ALPK1: variants seen among roughly 807,000 people sequenced by gnomAD.
ALPK1 encodes the protein alpha kinase 1.
ALPK1 carries 110 observed loss-of-function variants against 120.6 expected under a neutral mutation model. That is an observed-to-expected ratio of 0.91 (90% CI 0.78 to 1.07). ALPK1 has a LOEUF of 1.07. ALPK1 is among the 50% of genes least tolerant of loss of function. ALPK1 has a pLI of 0.00. For missense variants in ALPK1, 1,498 were observed against 1,483.9 expected (o/e 1.01, Z -0.16); for synonymous variants, 582 against 560.3 (o/e 1.04, Z -0.55).
intron 2 of ALPK1, among the ~76,000 whole-genome samples, chr4:112,345,344 A>G (rs1730056882): frequency 6.6e-6 from 1 of 152,238 alleles, no homozygotes; most frequent in Admixed American, 6.5e-5. Context: ...ACAGTAACCT[A>G]GAAGCATTAC....
At chr4:112,364,419 G>A (rs1731049365) in intron 2 of ALPK1, among the ~76,000 whole-genome samples, 1 of 151,908 alleles carries the variant, frequency 6.6e-6, no homozygotes, top group South Asian at 2.1e-4. Flanking sequence ...GATCATTCAA[G>A]GCTACTATGA....
Position 112,441,477 on chromosome 4 carries a change from C to T in ALPK1, c.*267C>T. 2 of 504,850 alleles carry T rather than the reference C, an allele frequency of 4.0e-6. No homozygotes were observed. Among genetic ancestry groups the T allele is most frequent in the Non-Finnish European group, 3.5e-6 (1 of 283,034 alleles). 31.3% of individuals were successfully genotyped at this position (504,850 alleles called of 1,614,324 possible). On this transcript the variant is annotated 3_prime_UTR_variant, in exon 16 of 16. Transcript: ENST00000650871. ...GGATGAAAAGCACTCTTGAGAAAGG[C>T]ATGTGTTGTTTAAGCCATTGAGATT...
Position 112,358,862 on chromosome 4 carries a change from C to T in ALPK1, c.-100-18816C>T, listed in dbSNP as rs182113837. The T allele has an allele frequency of 1.3e-3, 980 of 783,410 alleles. 1 individual carries two copies. Among genetic ancestry groups the T allele is most frequent in the Middle Eastern group, 4.1e-3 (18 of 4,412 alleles). The allele number at this position is 783,410 out of a possible 1,614,324, so 48.5% of individuals were successfully genotyped here. A position where few individuals can be genotyped will look rare whatever the true frequency, so the allele number is the denominator to read the frequency against. On this transcript the variant is annotated intron_variant, in intron 2 of 15. Coordinates refer to ENST00000650871, the MANE Select transcript of ALPK1 (RefSeq NM_025144.4). ...AGGCCCTGCAGGACCACAAGGGTTC[C>T]GATGACTTTGCTGCCCTGGCGACCT...
intron 4 of ALPK1, among the ~76,000 whole-genome samples, chr4:112,407,739 G>T (rs887490029): frequency 6.6e-6 from 1 of 151,962 alleles, no homozygotes; most frequent in African/African-American, 2.4e-5. Flanking sequence ...CACCTCTGGA[G>T]AATAGCCGGC....
intron 7 of ALPK1, chr4:112,425,959 A>C (rs1228092109): frequency 6.9e-6 from 3 of 431,760 alleles, no homozygotes; most frequent in Non-Finnish European, 1.3e-5. Flanking sequence ...GTTTTGTTAG[A>C]GAGGTTCACG....
chr4:112,371,435 C>T (rs1286631602), intron 2 of ALPK1, among the ~76,000 whole-genome samples: 2 of 152,206 alleles, frequency 1.3e-5, no homozygotes, highest in African/African-American at 2.4e-5. Flanking sequence ...CTCCTTTTAT[C>T]GCTAGTTCAG....
intron 4 of ALPK1, among the ~76,000 whole-genome samples, chr4:112,397,005 G>A (rs1031452474): frequency 3.9e-5 from 6 of 152,110 alleles, no homozygotes; most frequent in Admixed American, 3.9e-4. Context: ...TCGAACTCCT[G>A]AGCTCAGACA....
At chr4:112,311,339 T>C (rs964917941) in intron 1 of ALPK1, among the ~76,000 whole-genome samples, 10 of 152,260 alleles carry the variant, frequency 6.6e-5, no homozygotes, top group Non-Finnish European at 2.9e-5. Context: ...GTTCTGTGTG[T>C]CAGCCTTTCT....
At chr4:112,427,486 A>G (rs577329112) in intron 8 of ALPK1, 84 bp from the exon 9 acceptor site, 95 of 845,538 alleles carry the variant, frequency 1.1e-4, no homozygotes, top group Middle Eastern at 2.3e-4. Context: ...ATATGGAGGA[A>G]TAATCATAGC....
At chr4:112,364,107 C>T (rs1019663947) in intron 2 of ALPK1, among the ~76,000 whole-genome samples, 2 of 152,006 alleles carry the variant, frequency 1.3e-5, no homozygotes, top group East Asian at 3.9e-4. Context: ...CACTAAAAAG[C>T]CTGAAAGAGC....
At position 112,380,333 on chromosome 4, in the gene ALPK1, T is replaced by C. The variant is rs114315150; in HGVS notation, c.122-2065T>C. On this transcript the variant is annotated intron_variant, in intron 3 of 15. Transcript: ENST00000650871. ...ATGTGGCCACCTAAGTCCCTAATCC[T>C]GTGGGTCTGCTTTCAAGGGGGAGCA... Among the ~76,000 whole-genome samples, 397 of 152,338 alleles carry C rather than the reference T, an allele frequency of 2.6e-3. 1 individual carries two copies. The highest frequency in any genetic ancestry group is 9.1e-3 in the African/African-American group (380 of 41,574).
intron 2 of ALPK1, among the ~76,000 whole-genome samples, chr4:112,320,770 G>T (rs1337588988): frequency 2.0e-5 from 3 of 151,888 alleles, no homozygotes; most frequent in Non-Finnish European, 4.4e-5. Context: ...ATCTAGGAGG[G>T]TTGCATACTT....
chr4:112,367,424 T>C (rs1169641089), intron 2 of ALPK1, among the ~76,000 whole-genome samples: 1 of 149,038 alleles, frequency 6.7e-6, no homozygotes, highest in East Asian at 1.9e-4. Context: ...TGATAAAAGA[T>C]TTTTTTTATG....
intron 3 of ALPK1, among the ~76,000 whole-genome samples, chr4:112,381,998 C>T (rs1438431592): frequency 2.0e-5 from 3 of 152,232 alleles, no homozygotes; most frequent in African/African-American, 4.8e-5. Flanking sequence ...CAAATTAACA[C>T]TGCATCATCC....
intron 5 of ALPK1, chr4:112,414,486 T>TAATC: frequency 3.0e-6 from 1 of 333,076 alleles, no homozygotes; most frequent in Non-Finnish European, 6.2e-6. Flanking sequence ...CAGCCGCCTG[T>TAATC]AATCCCAGCT....
intron 11 of ALPK1, among the ~76,000 whole-genome samples, chr4:112,433,314 G>T (rs1331248917): frequency 6.6e-6 from 1 of 152,160 alleles, no homozygotes. Context: ...CCTTTTCTCT[G>T]TGTCCTCACA....
chr4:112,439,229 A>G (rs1734920326), intron 13 of ALPK1, among the ~76,000 whole-genome samples: 1 of 152,190 alleles, frequency 6.6e-6, no homozygotes, highest in Non-Finnish European at 1.5e-5. Context: ...TTTCCTAATC[A>G]TAATAGTAAT....
rs146982511 is a variant in ALPK1, at chr4:112,424,788, C to T, written c.535+785C>T. 3.3e-3 allele frequency among the ~76,000 whole-genome samples: 504 copies of T among 152,170 alleles called. 1 individual carries two copies. Among genetic ancestry groups the T allele is most frequent in the African/African-American group, 0.011 (441 of 41,506 alleles). ...ATGTGTGTGTGCACACACACACGCA[C>T]GCACACAAGGATTCAAAGCTAGGAA... On this transcript the variant is annotated intron_variant, in intron 6 of 15. Coordinates refer to ENST00000650871, the MANE Select transcript of ALPK1 (RefSeq NM_025144.4).
At position 112,439,885 on chromosome 4, in the gene ALPK1, G is replaced by A; in HGVS notation, c.3538+13G>A. ...GTCGATTTACAAGGTATGTGAAACT[G>A]GGAATTATTTTTATTTTTAATATTA... On this transcript the variant is annotated intron_variant, in intron 14 of 15. Coordinates refer to ENST00000650871, the MANE Select transcript of ALPK1 (RefSeq NM_025144.4). 6.4e-7 allele frequency: 1 copy of A among 1,561,652 alleles called. No homozygotes were observed.
Sources: allele counts gnomAD v4.1 joint callset (sites outside exome capture counted in the v4.1 genomes callset), GRCh38; gene constraint gnomAD v4.1.1; transcripts MANE v1.5; gene names NCBI Gene and HGNC (gene_info 2026-07-23, HGNC 2026-07-21).